The following CKMT1A variants were observed in gnomAD, a reference collection of about 807,000 sequenced individuals.
The protein encoded by CKMT1A is creatine kinase, mitochondrial 1A.
CKMT1A carries 23 observed loss-of-function variants against 21.8 expected under a neutral mutation model. That is an observed-to-expected ratio of 1.05 (90% CI 0.76 to 1.49). The LOEUF is 1.49. CKMT1A is among the 40% of genes most tolerant of loss of function. The pLI, the probability that CKMT1A is intolerant of heterozygous loss-of-function variation, is 0.00. For missense variants in CKMT1A, 154 were observed against 229.4 expected (o/e 0.67, Z 2.12); for synonymous variants, 67 against 80.4 (o/e 0.83, Z 0.89).
chr15:43,698,840 C>G (rs1567144611), intron 8 of CKMT1A, 74 bp downstream of exon 8: 4 of 1,606,156 alleles, frequency 2.5e-6, no homozygotes, highest in Non-Finnish European at 3.4e-6. Flanking sequence ...GAGTGAGCCT[C>G]CGGGATGTAA....
Position 43,699,107 on chromosome 15 carries a change from A to G in CKMT1A, c.*18A>G. ...AGCATTAACTCCCCATCGCCAGCTG[A>G]TGACTCAAGATTCCAAGGAGTTCTG... On this transcript the variant is annotated 3_prime_UTR_variant, in exon 9 of 9. Transcript: ENST00000413453. The G allele has an allele frequency of 6.2e-7, 1 of 1,613,436 alleles. No individual in the cohort carries two copies. Among genetic ancestry groups the G allele is most frequent in the Non-Finnish European group, 8.5e-7 (1 of 1,179,868 alleles).
intron 8 of CKMT1A, 89 bp downstream of exon 8, chr15:43,698,855 A>G (rs1596003039): frequency 6.2e-7 from 1 of 1,604,150 alleles, no homozygotes. Context: ...ATGTAACATA[A>G]TCTGAAATGA....
chr15:43,696,303 C>T lies in CKMT1A; in HGVS notation c.816C>T (p.Ser272=), dbSNP rs1229639753. 1 of 1,604,204 alleles carries T rather than the reference C, an allele frequency of 6.2e-7. No homozygotes were observed. The highest frequency in any genetic ancestry group is 8.5e-7 in the Non-Finnish European group (1 of 1,174,930). ...VNEEDHTRVI[S]MEKGGNMKRV... ...AGGAGGATCATACACGGGTGATCTC[C>T]ATGGAGAAGGGTGGTAACATGAAGA... is the stretch of plus-strand genomic sequence containing the variant. The change falls in exon 6 of 9, where the codon TCC becomes TCT. Residue 272 remains serine (S), a synonymous_variant. Coordinates refer to ENST00000413453, the MANE Select transcript of CKMT1A (RefSeq NM_001321926.2).
At position 43,696,368 on chromosome 15, in the gene CKMT1A, G is replaced by C. The variant is rs763601735; in HGVS notation, c.876+5G>C. The stretch of plus-strand genomic sequence containing the variant: ...TTCTGCCGAGGCCTCAAAGAGGTTA[G>C]AGAAGATTGTGTAGGGGAGCTAGGT... On this transcript the variant is annotated splice_donor_5th_base_variant and intron_variant, in intron 6 of 8. Transcript: ENST00000413453. The C allele has an allele frequency of 1.9e-6, 3 of 1,611,070 alleles. No individual in the cohort carries two copies. The highest frequency in any genetic ancestry group is 1.7e-5 in the Admixed American group (1 of 59,844).
At chr15:43,696,488 G>A in intron 6 of CKMT1A, 125 bp downstream of exon 6, 1 of 1,480,568 alleles carries the variant, frequency 6.8e-7, no homozygotes, top group Admixed American at 1.9e-5. Context: ...GGACTACCTA[G>A]GACTCACTCT....
At position 43,698,090 on chromosome 15, in the gene CKMT1A, C is replaced by T; in HGVS notation, c.953C>T (p.Ser318Phe). The change falls in exon 7 of 9, where the codon TCT (serine) becomes TTT (phenylalanine). Residue 318 changes from serine to phenylalanine, a missense_variant. Coordinates refer to ENST00000413453, the MANE Select transcript of CKMT1A (RefSeq NM_001321926.2). Reference sequence around the variant, plus strand: ...TTGGGATACATCTTGACCTGTCCATCTAACCTGGGCACTGGACTTCGGGCA... The same window carrying T: ...TTGGGATACATCTTGACCTGTCCATTTAACCTGGGCACTGGACTTCGGGCA... ...ERLGYILTCPSNLGTGLRAGV... is the reference protein window; with the variant it reads ...ERLGYILTCPFNLGTGLRAGV... 1 of 1,613,096 alleles carries T rather than the reference C, an allele frequency of 6.2e-7. No homozygotes were observed.
intron 7 of CKMT1A, among the ~76,000 whole-genome samples, chr15:43,698,432 AT>A (rs1490015804): frequency 6.6e-6 from 1 of 150,746 alleles, no homozygotes; most frequent in Non-Finnish European, 1.5e-5. Context: ...AGGTGAGAGG[AT>A]CACTTAAGCC....
In CKMT1A at chr15:43,696,016, C is replaced by T. The variant is rs766065607; in HGVS notation, c.667-23C>T. On this transcript the variant is annotated intron_variant, in intron 4 of 8. Coordinates refer to ENST00000413453, the MANE Select transcript of CKMT1A (RefSeq NM_001321926.2). Reference sequence around the variant, plus strand: ...AGGGGCCACCATGAAGATTCTTAACCCAAGTCCCGTTACTCTTCCCAGGAC... The same window carrying T: ...AGGGGCCACCATGAAGATTCTTAACTCAAGTCCCGTTACTCTTCCCAGGAC... The T allele has an allele frequency of 5.9e-4, 263 of 446,106 alleles. 12 individuals carry two copies. The African/African-American group carries it at 0.013, about 22-fold the overall frequency. 27.6% of individuals were successfully genotyped at this position (446,106 alleles called of 1,614,324 possible).
chr15:43,697,313 T>C, intron 6 of CKMT1A: 1 of 1,274,792 alleles, frequency 7.8e-7, no homozygotes, highest in Non-Finnish European at 1.0e-6. Context: ...CCCCCCATGT[T>C]CAGCACATAA....
chr15:43,696,449 C>G lies in CKMT1A; in HGVS notation c.876+86C>G, dbSNP rs763549096. On this transcript the variant is annotated intron_variant, in intron 6 of 8. Transcript: ENST00000413453. The stretch of plus-strand genomic sequence containing the variant: ...ATAAATAGATTATGTAATTTATCAA[C>G]CAACCCAAGACATGTCTGATGGTAA... 3.8e-6 allele frequency: 6 copies of G among 1,595,580 alleles called. No homozygotes were observed. In the Admixed American group the frequency reaches 8.5e-5, roughly 23 times the overall value.
In CKMT1A at chr15:43,696,696, C is replaced by T. The variant is rs1188274559; in HGVS notation, c.876+333C>T. 7.2e-5 allele frequency: 24 copies of T among 334,396 alleles called. No individual in the cohort carries two copies. The East Asian group carries it at 7.3e-4, about 10-fold the overall frequency. The allele number at this position is 334,396 out of a possible 1,614,324, so 20.7% of individuals were successfully genotyped here. On this transcript the variant is annotated intron_variant, in intron 6 of 8. Coordinates refer to ENST00000413453, the MANE Select transcript of CKMT1A (RefSeq NM_001321926.2). ...GAGGTGTGCAGATAAGGAAAACATT[C>T]GAGCTTAGATTGATGTTGGCGGGGA... is the stretch of plus-strand genomic sequence containing the variant.
In CKMT1A at chr15:43,697,700, T is replaced by C. The variant is rs2086470486; in HGVS notation, c.877-314T>C. The C allele has an allele frequency of 9.1e-6, 9 of 984,762 alleles. No individual in the cohort carries two copies. In the South Asian group the frequency reaches 3.8e-4, roughly 41 times the overall value. The allele number at this position is 984,762 out of a possible 1,614,324, so 61.0% of individuals were successfully genotyped here. On this transcript the variant is annotated intron_variant, in intron 6 of 8. Transcript: ENST00000413453. ...CATGCAGACCTCATTGAATAATCAG[T>C]CCTCTCTCAGTTCAGTTTACCACCT...
At chr15:43,696,985 T>G in intron 6 of CKMT1A, 1 of 288,992 alleles carries the variant, frequency 3.5e-6, no homozygotes, top group Non-Finnish European at 6.8e-6. Context: ...TAAACTCAAT[T>G]CAATTCTTAC....
chr15:43,696,630 A>T, intron 6 of CKMT1A: 1 of 558,876 alleles, frequency 1.8e-6, no homozygotes, highest in Non-Finnish European at 3.1e-6. Flanking sequence ...GGAATAACTG[A>T]GATGGCACGT....
intron 6 of CKMT1A, chr15:43,697,336 G>A: frequency 8.0e-7 from 1 of 1,256,324 alleles, no homozygotes; most frequent in Non-Finnish European, 1.0e-6. Flanking sequence ...TATCCCTGGT[G>A]GCATGGTTCC....
intron 6 of CKMT1A, chr15:43,696,866 T>C: frequency 3.3e-6 from 1 of 304,602 alleles, no homozygotes; most frequent in Non-Finnish European, 6.4e-6. Context: ...AGGTGGAGGA[T>C]AGAATGGTTC....
At chr15:43,697,471 C>T in intron 6 of CKMT1A, 5 of 984,268 alleles carry the variant, frequency 5.1e-6, no homozygotes, top group Non-Finnish European at 6.0e-6. Context: ...TTAATGGAAG[C>T]AAAATGCCTT....
At chr15:43,697,467 G>A (rs1343471033) in intron 6 of CKMT1A, 1 of 984,522 alleles carries the variant, frequency 1.0e-6, no homozygotes, top group East Asian at 1.1e-4. Flanking sequence ...ATGGTTAATG[G>A]AAGCAAAATG....
At chr15:43,697,552 T>G in intron 6 of CKMT1A, 4 of 984,768 alleles carry the variant, frequency 4.1e-6, no homozygotes, top group Non-Finnish European at 4.8e-6. Context: ...TTCACACAGG[T>G]GCTCCGTTCA....
Sources: gnomAD v4.1 joint callset for allele counts (sites outside exome capture counted in the v4.1 genomes callset) on GRCh38, gnomAD v4.1.1 for gene constraint, MANE v1.5 for transcripts, NCBI Gene and HGNC (gene_info 2026-07-23, HGNC 2026-07-21) for gene names.